DPH6: variants seen among roughly 807,000 people sequenced by gnomAD.
DPH6 encodes diphthamine biosynthesis 6.
DPH6 carries 33 observed loss-of-function variants against 38.2 expected under a neutral mutation model. The observed-to-expected ratio is 0.86, with a 90% CI of 0.65 to 1.15. The LOEUF is 1.15. Among genes scored for constraint, DPH6 ranks in the 50% most tolerant of loss-of-function variants. The pLI is 0.00. For synonymous variants in DPH6, 108 were observed against 103.0 expected (o/e 1.05, Z -0.30); for missense variants, 325 against 320.0 (o/e 1.02, Z -0.12).
intron 5 of DPH6, among the ~76,000 whole-genome samples, chr15:35,444,331 C>A (rs1343745936): frequency 6.6e-6 from 1 of 152,146 alleles, no homozygotes; most frequent in Non-Finnish European, 1.5e-5. Context: ...CCTTCCAATT[C>A]TAATCAGTGT....
chr15:35,526,385 G>A (rs1371328858), intron 3 of DPH6, among the ~76,000 whole-genome samples: 1 of 152,082 alleles, frequency 6.6e-6, no homozygotes, highest in Non-Finnish European at 1.5e-5. Context: ...AGATATCTAT[G>A]GGGATCAATA....
At chr15:35,260,430 AT>A (rs1450099596) in intron 3 of DPH6, among the ~76,000 whole-genome samples, 1 of 151,870 alleles carries the variant, frequency 6.6e-6, no homozygotes, top group Non-Finnish European at 1.5e-5. Context: ...AAAATTCAGG[AT>A]AAAGTGAAAT....
At position 35,371,438 on chromosome 15, in the gene DPH6, C is replaced by A. The variant is rs2052712283; in HGVS notation, c.*712G>T. On this transcript the variant is annotated 3_prime_UTR_variant, in exon 9 of 9. Coordinates refer to ENST00000256538, the MANE Select transcript of DPH6 (RefSeq NM_080650.4). ...TATAAGACATTGACGGTAGGGGAGG[C>A]TGTGAATGTGTGGAGGTAGAGGGTA... 1 of 313,980 alleles carries A rather than the reference C, an allele frequency of 3.2e-6. No individual in the cohort carries two copies. The highest frequency in any genetic ancestry group is 2.3e-5 in the African/African-American group (1 of 44,290). The allele number at this position is 313,980 out of a possible 1,614,324, so 19.4% of individuals were successfully genotyped here.
chr15:35,543,299 T>C (rs1178827268), intron 1 of DPH6, among the ~76,000 whole-genome samples: 2 of 107,566 alleles, frequency 1.9e-5, no homozygotes, highest in African/African-American at 6.3e-5. Flanking sequence ...TATATATATA[T>C]ATATGATGGC....
At chr15:35,387,331 T>C (rs2052979111) in intron 6 of DPH6, among the ~76,000 whole-genome samples, 3 of 152,194 alleles carry the variant, frequency 2.0e-5, no homozygotes, top group Admixed American at 1.3e-4. Flanking sequence ...GCGGGCTCTT[T>C]TTTGGTTCCA....
intron 6 of DPH6, among the ~76,000 whole-genome samples, chr15:35,399,155 C>T (rs1403359280): frequency 6.6e-6 from 1 of 151,848 alleles, no homozygotes; most frequent in Non-Finnish European, 1.5e-5. Context: ...GGAAAATAGA[C>T]TATGCATGGG....
intron 3 of DPH6, among the ~76,000 whole-genome samples, chr15:35,467,252 T>G (rs2054138416): frequency 6.6e-6 from 1 of 152,224 alleles, no homozygotes; most frequent in Admixed American, 6.5e-5. Flanking sequence ...TTTTTACTCT[T>G]TAAGCTTTTT....
the DPH6 span, among the ~76,000 whole-genome samples, chr15:35,158,303 A>G: frequency 6.6e-6 from 1 of 152,150 alleles, no homozygotes; most frequent in Non-Finnish European, 1.5e-5. Context: ...CTATATAAGC[A>G]TTTGGGGGAG....
In DPH6 at chr15:35,222,021, GATGGCCTTAACTCTAGTTTCCA is replaced by G. The variant is rs575341563; in HGVS notation, n.201-1461_201-1440del. On this transcript the variant is annotated intron_variant and non_coding_transcript_variant, in intron 3 of 3. Coordinates refer to the DPH6 transcript ENST00000560386. ...CAAGTTCTTTGCCACTTATAATAAG[GATGGCCTTAACTCTAGTTTCCA>G]ATACCTTGTTTCTCATTTCTGAGAG... 3.9e-5 allele frequency among the ~76,000 whole-genome samples: 6 copies of G among 152,276 alleles called. No individual in the cohort carries two copies. The East Asian group carries it at 1.2e-3, about 29-fold the overall frequency.
chr15:35,162,386 C>G, the DPH6 span, among the ~76,000 whole-genome samples: 54 of 151,988 alleles, frequency 3.6e-4, no homozygotes, highest in African/African-American at 1.3e-3. Context: ...ATATCTCCAT[C>G]TTTCCAATGT....
chr15:35,269,678 T>C (rs1363481734), intron 3 of DPH6, among the ~76,000 whole-genome samples: 1 of 151,124 alleles, frequency 6.6e-6, no homozygotes, highest in East Asian at 2.0e-4. Context: ...GACCTCGTGA[T>C]CCGCCCGCCT....
intron 3 of DPH6, among the ~76,000 whole-genome samples, chr15:35,361,397 T>C (rs1383203179): frequency 6.6e-6 from 1 of 152,196 alleles, no homozygotes; most frequent in Admixed American, 6.5e-5. Context: ...TTGTAATGTA[T>C]CTAAGTGCAG....
rs976352139 is a variant in DPH6 at position 35,282,885 on chromosome 15, G to A, written n.201-62303C>T. The A allele has an allele frequency of 3.8e-5, 13 of 343,300 alleles. No homozygotes were observed. The Admixed American group carries it at 4.2e-4, about 11-fold the overall frequency. 21.3% of individuals were successfully genotyped at this position (343,300 alleles called of 1,614,324 possible). A position where few individuals can be genotyped will look rare whatever the true frequency, so the allele number is the denominator to read the frequency against. ...AGGTGGATGAAGACCCCATCGGGGG[G>A]TTCCACCATATAGATGTTCCTGTTG... On this transcript the variant is annotated intron_variant and non_coding_transcript_variant, in intron 3 of 3. Transcript: ENST00000560386.
At chr15:35,541,531 A>G (rs998832799) in intron 2 of DPH6, among the ~76,000 whole-genome samples, 2 of 152,174 alleles carry the variant, frequency 1.3e-5, no homozygotes, top group Non-Finnish European at 2.9e-5. Context: ...CATGACAGGA[A>G]CTACGACTGA....
intron 5 of DPH6, among the ~76,000 whole-genome samples, chr15:35,431,742 CAG>C (rs1182631648): frequency 6.6e-6 from 1 of 150,510 alleles, no homozygotes; most frequent in Non-Finnish European, 1.5e-5. Flanking sequence ...TCATAAAAAG[CAG>C]AGAGTAGTCC....
At chr15:35,284,556 A>G (rs886943401) in intron 3 of DPH6, among the ~76,000 whole-genome samples, 22 of 150,866 alleles carry the variant, frequency 1.5e-4, no homozygotes, top group Non-Finnish European at 2.8e-4. Flanking sequence ...AATATTTTAC[A>G]ATATAAATTA....
chr15:35,351,111 T>C (rs1380819267), intron 3 of DPH6, among the ~76,000 whole-genome samples: 1 of 152,218 alleles, frequency 6.6e-6, no homozygotes, highest in Admixed American at 6.5e-5. Flanking sequence ...ACCTAATATA[T>C]ATAAAATTAC....
At chr15:35,431,394 GA>G (rs2053630992) in intron 5 of DPH6, among the ~76,000 whole-genome samples, 2 of 152,110 alleles carry the variant, frequency 1.3e-5, no homozygotes, top group African/African-American at 4.8e-5. Flanking sequence ...GCTCTGGGGT[GA>G]AGTGAATTCT....
rs1326490398 is a variant in DPH6, at chr15:35,538,395, GCT to G, written c.189_190del (p.Glu63AspfsTer26). The G allele has an allele frequency of 6.2e-7, 1 of 1,610,054 alleles. No individual in the cohort carries two copies. The highest frequency in any genetic ancestry group is 8.5e-7 in the Non-Finnish European group (1 of 1,177,200). Reference sequence around the variant, plus strand: ...TCGGCGATAGAGGGGAAGAGCCATTGCTTCTGCATACAAGTCAATGGCATGGT... The same window carrying G: ...TCGGCGATAGAGGGGAAGAGCCATTGTCTGCATACAAGTCAATGGCATGGT... On this transcript the variant is annotated frameshift_variant, in exon 3 of 9. Coordinates refer to ENST00000256538, the MANE Select transcript of DPH6 (RefSeq NM_080650.4). LOFTEE classifies it high-confidence loss of function.
Sources: gnomAD v4.1 joint callset for allele counts (sites outside exome capture counted in the v4.1 genomes callset) on GRCh38, gnomAD v4.1.1 for gene constraint, MANE v1.5 for transcripts, NCBI Gene and HGNC (gene_info 2026-07-23, HGNC 2026-07-21) for gene names.